The following EBP variants were observed in gnomAD, a reference collection of about 807,000 sequenced individuals.
EBP encodes EBP cholestenol delta-isomerase, also known as 3-beta-hydroxysteroid-Delta(8),Delta(7)-isomerase.
EBP carries 1 observed loss-of-function variant against 14.1 expected under a neutral mutation model. That is an observed-to-expected ratio of 0.07 (90% confidence interval 0.03 to 0.34). The LOEUF is 0.34. Ranked by LOEUF, EBP falls within the 10% of genes least tolerant of loss-of-function variation. The probability of loss-of-function intolerance (pLI) is 0.99; values close to 1 mark genes in which losing one functional copy is unlikely to be tolerated. For missense variants in EBP, 123 were observed against 184.6 expected (o/e 0.67, Z 1.93); for synonymous variants, 72 against 77.7 (o/e 0.93, Z 0.38).
rs1444655118 is a variant in EBP at position 48,528,415 on chromosome X, G to A, written c.651G>A (p.Thr217=). 1.0e-5 allele frequency: 12 copies of A among 1,173,009 alleles called. No homozygotes were observed. In the African/African-American group the frequency reaches 1.1e-4, roughly 10 times the overall value. Residue 217 remains threonine, a synonymous_variant, in exon 5 of 5, where the codon ACG becomes ACA. Coordinates refer to ENST00000495186, the MANE Select transcript of EBP (RefSeq NM_006579.3). ...AVKHLTHAQS[T]LDAKATKAKS... ...AGCACCTCACTCATGCCCAGAGCAC[G>A]CTGGATGCCAAGGCCACAAAAGCCA... is the stretch of plus-strand genomic sequence containing the variant.
At chrX:48,523,388 A>G (rs1017962805) in intron 1 of EBP, among the ~76,000 whole-genome samples, 1 of 110,342 alleles carries the variant, frequency 9.1e-6, no homozygotes, top group African/African-American at 3.3e-5. Context: ...CCCCGTCTCT[A>G]CTAAAAATAC....
chrX:48,523,832 T>A lies in EBP; in HGVS notation c.61T>A (p.Phe21Ile). Residue 21 changes from phenylalanine (F) to isoleucine (I), a missense_variant, in exon 2 of 5, where the codon TTT becomes ATT. Transcript: ENST00000495186. ...YWPQHLRLDN[F>I]VPNDRPTWHI... Reference sequence around the variant, plus strand: ...GCCTCAGCACCTAAGACTGGACAACTTTGTACCTAATGACCGCCCCACCTG... The same window carrying A: ...GCCTCAGCACCTAAGACTGGACAACATTGTACCTAATGACCGCCCCACCTG... 1 of 1,210,101 alleles carries A rather than the reference T, an allele frequency of 8.3e-7. No homozygotes were observed. The highest frequency in any genetic ancestry group is 1.1e-6 in the Non-Finnish European group (1 of 895,156).
At chrX:48,525,771 GCATTTT>G (rs782819230) in intron 2 of EBP, among the ~76,000 whole-genome samples, 107 of 110,002 alleles carry the variant, frequency 9.7e-4, no homozygotes, top group African/African-American at 3.5e-3. Context: ...GTATTGATGG[GCATTTT>G]CCCTCAATCT....
chrX:48,523,553 GAAAAA>G, intron 1 of EBP, 141 bp from the exon 2 acceptor site: 3 of 272,133 alleles, frequency 1.1e-5, no homozygotes, highest in African/African-American at 5.3e-5. Context: ...GACTCCGTCT[GAAAAA>G]AAAAAAAAAA....
chrX:48,524,648 GTTA>G (rs1377490136), intron 2 of EBP: 1 of 109,101 alleles, frequency 9.2e-6, no homozygotes, highest in Non-Finnish European at 1.9e-5. Flanking sequence ...ATTATGTATT[GTTA>G]TTATTATTCT....
Position 48,524,048 on chromosome X carries a change from G to A in EBP, c.277G>A (p.Asp93Asn). The part of the protein sequence containing the change: ...FVLYYEDLLG[D>N]QAFLSQLWKE... ...TCTCTACTACGAAGACCTGCTTGGA[G>A]ACCAAGCCTTCTTATCTCAACTCTG... The change falls in exon 2 of 5, where the codon GAC becomes AAC. Residue 93 changes from aspartate to asparagine, a missense_variant. Physicochemically the swap from Asp to Asn is conservative, Grantham distance 23. Transcript: ENST00000495186. 1 of 1,211,391 alleles carries A rather than the reference G, an allele frequency of 8.3e-7. No individual in the cohort carries two copies. Among genetic ancestry groups the A allele is most frequent in the Non-Finnish European group, 1.1e-6 (1 of 895,224 alleles).
intron 2 of EBP, among the ~76,000 whole-genome samples, chrX:48,526,311 A>G (rs931943315): frequency 6.0e-5 from 6 of 100,839 alleles, no homozygotes; most frequent in African/African-American, 1.8e-4. Flanking sequence ...TCTTCTGCCT[A>G]TTTTATATTG....
chrX:48,528,158 G>T, intron 4 of EBP, 76 bp from the exon 5 acceptor site: 1 of 870,394 alleles, frequency 1.1e-6, no homozygotes. Context: ...GACTTGGAAA[G>T]TGCTTTGGAA....
chrX:48,525,016 T>G (rs1367463901), intron 2 of EBP, among the ~76,000 whole-genome samples: 1 of 112,159 alleles, frequency 8.9e-6, no homozygotes, highest in Admixed American at 9.5e-5. Flanking sequence ...TTTTGTTGCA[T>G]GTATATTCAC....
rs782605413 is a variant in EBP, at chrX:48,524,934, A to G, written c.301+862A>G. 5.4e-5 allele frequency: 6 copies of G among 111,638 alleles called. No homozygotes were observed. In the East Asian group the frequency reaches 1.7e-3, roughly 32 times the overall value. The allele number at this position is 111,638 out of a possible 1,213,427, so 9.2% of individuals were successfully genotyped here. A position where few individuals can be genotyped will look rare whatever the true frequency, so the allele number is the denominator to read the frequency against. On this transcript the variant is annotated intron_variant, in intron 2 of 4. Transcript: ENST00000495186. ...GTTCTTTAACTCCTGGGCTCAAGCA[A>G]TCCTTCCACCTCAGCCTCCCAAAAT...
chrX:48,526,846 A>G, intron 2 of EBP, 143 bp from the exon 3 acceptor site: 1 of 663,459 alleles, frequency 1.5e-6, no homozygotes, highest in Non-Finnish European at 2.5e-6. Context: ...CTAGAATCCA[A>G]ACAGTTACCC....
At position 48,526,933 on chromosome X, in the gene EBP, A is replaced by G. The variant is rs782777690; in HGVS notation, c.302-56A>G. ...CTTGCAGGGACCCCCAGCTCTCACAAGTGTGTGTTCCTTTCACTGCCTTTA... is the reference window on the plus strand; with the variant it reads ...CTTGCAGGGACCCCCAGCTCTCACAGGTGTGTGTTCCTTTCACTGCCTTTA... On this transcript the variant is annotated intron_variant, in intron 2 of 4. Transcript: ENST00000495186. 69 of 1,184,890 alleles carry G rather than the reference A, an allele frequency of 5.8e-5. No individual in the cohort carries two copies. In the African/African-American group the frequency reaches 9.3e-4, roughly 16 times the overall value.
intron 4 of EBP, 23 bp from the exon 5 acceptor site, chrX:48,528,208 TCTC>T (rs2061784828): frequency 8.4e-7 from 1 of 1,186,672 alleles, no homozygotes. Context: ...CACTGGGGCT[TCTC>T]CTTCCCCTCC....
intron 2 of EBP, chrX:48,524,420 G>A (rs2061773290): frequency 6.9e-6 from 1 of 145,609 alleles, no homozygotes; most frequent in African/African-American, 3.2e-5. Flanking sequence ...GAGGTCGGGA[G>A]TTGAAGACCA....
At position 48,528,243 on chromosome X, in the gene EBP, A is replaced by G. The variant is rs1233779717; in HGVS notation, c.479A>G (p.Tyr160Cys). The change falls in exon 5 of 5, where the codon TAT becomes TGT. Residue 160 changes from tyrosine (Y) to cysteine (C), a missense_variant. Transcript: ENST00000495186. ...CTCCTGCCACCCACAGGCCAGATCT[A>G]TGGGGATGTGCTCTACTTCCTGACA... ...LQLVVSVGQI[Y>C]GDVLYFLTEH... is the part of the protein sequence containing the mutation. 8.3e-7 allele frequency: 1 copy of G among 1,209,908 alleles called. No individual in the cohort carries two copies. Among genetic ancestry groups the G allele is most frequent in the Non-Finnish European group, 1.1e-6 (1 of 894,285 alleles).
rs782544450 is a variant in EBP, at chrX:48,523,825, G to A, written c.54G>A (p.Leu18=). 2 of 1,209,174 alleles carry A rather than the reference G, an allele frequency of 1.7e-6. No individual in the cohort carries two copies. The highest frequency in any genetic ancestry group is 1.8e-5 in the South Asian group (1 of 56,827). ...CATACTGGCCTCAGCACCTAAGACT[G>A]GACAACTTTGTACCTAATGACCGCC... ...LHPYWPQHLR[L]DNFVPNDRPT... is the part of the protein sequence containing the mutation. The change falls in exon 2 of 5, where the codon CTG becomes CTA. Residue 18 remains leucine (L), a synonymous_variant. Transcript: ENST00000495186.
chrX:48,523,770 A>T lies in EBP; in HGVS notation c.-2A>T. On this transcript the variant is annotated 5_prime_UTR_variant, in exon 2 of 5. Coordinates refer to ENST00000495186, the MANE Select transcript of EBP (RefSeq NM_006579.3). ...CACACGCAGCCATCAGCCCACAAAG[A>T]CATGACTACCAACGCGGGCCCCTTG... 1.7e-6 allele frequency: 2 copies of T among 1,197,181 alleles called. No individual in the cohort carries two copies. The highest frequency in any genetic ancestry group is 2.2e-6 in the Non-Finnish European group (2 of 889,324).
chrX:48,523,048 G>A (rs1556976834), intron 1 of EBP, among the ~76,000 whole-genome samples: 2 of 111,029 alleles, frequency 1.8e-5, no homozygotes, highest in Non-Finnish European at 3.8e-5. Flanking sequence ...GAAGTCCTGG[G>A]CTCAAAGCGA....
chrX:48,523,966 C>T lies in EBP; in HGVS notation c.195C>T (p.Ser65=). 8.3e-7 allele frequency: 1 copy of T among 1,211,432 alleles called. No homozygotes were observed. Among genetic ancestry groups the T allele is most frequent in the Non-Finnish European group, 1.1e-6 (1 of 895,426 alleles). ...CATTGGGGACTTGGCGGCGACTGTC[C>T]CTGTGCTGGTTTGCAGTGTGTGGGT... ...VVPLGTWRRL[S]LCWFAVCGFI... is the part of the protein sequence containing the mutation. Residue 65 remains serine (S), a synonymous_variant, in exon 2 of 5, where the codon TCC becomes TCT. Coordinates refer to ENST00000495186, the MANE Select transcript of EBP (RefSeq NM_006579.3).
Sources: allele counts gnomAD v4.1 joint callset (sites outside exome capture counted in the v4.1 genomes callset), GRCh38; gene constraint gnomAD v4.1.1; transcripts MANE v1.5; gene names NCBI Gene and HGNC (gene_info 2026-07-23, HGNC 2026-07-21).